TFAP2D: variants seen among roughly 807,000 people sequenced by gnomAD.
TFAP2D encodes transcription factor AP-2 delta, also known as transcription factor AP-2-delta.
In TFAP2D, 9 loss-of-function variants were observed where a neutral mutation model predicts 43.6. The observed-to-expected ratio is 0.21, with a 90% CI of 0.12 to 0.36. The LOEUF is 0.36. Ranked by LOEUF, TFAP2D falls within the 10% of genes least tolerant of loss-of-function variation. TFAP2D has a pLI of 1.00. For missense variants in TFAP2D, 513 were observed against 561.4 expected (o/e 0.91, Z 0.87); for synonymous variants, 256 against 224.9 (o/e 1.14, Z -1.24).
chr6:50,721,931 T>G (rs1284884909), intron 3 of TFAP2D, among the ~76,000 whole-genome samples: 4 of 152,214 alleles, frequency 2.6e-5, no homozygotes, highest in African/African-American at 9.7e-5. Context: ...GTACTTTACA[T>G]GAGTTAATCA....
In TFAP2D at chr6:50,719,102, G is replaced by A. The variant is rs1352105221; in HGVS notation, c.550G>A (p.Ala184Thr). 1.2e-6 allele frequency: 2 copies of A among 1,613,914 alleles called. No homozygotes were observed. The highest frequency in any genetic ancestry group is 2.2e-5 in the South Asian group (2 of 91,056). The change falls in exon 3 of 8, where the codon GCC becomes ACC. Residue 184 changes from alanine (A) to threonine (T), a missense_variant. Ala to Thr is a moderately conservative substitution (Grantham distance 58). Around this residue, in one of 3 missense-constraint regions of TFAP2D, gnomAD observed 311 missense variants for 316.2 expected, o/e 0.98. Coordinates refer to ENST00000008391, the MANE Select transcript of TFAP2D (RefSeq NM_172238.4). Reference protein sequence around the residue: ...GADDLQGSVEAQCGLVLNGQG... With the variant: ...GADDLQGSVETQCGLVLNGQG... ...TTCTTTTATTAAGGGCTCTGTGGAG[G>A]CCCAGTGTGGGCTTGTTCTCAATGG...
chr6:50,729,480 A>C (rs1768853341), intron 5 of TFAP2D, among the ~76,000 whole-genome samples, 168 bp downstream of exon 5: 2 of 152,224 alleles, frequency 1.3e-5, no homozygotes, highest in African/African-American at 4.8e-5. Flanking sequence ...AATTAGACTT[A>C]AGATTTAGAT....
chr6:50,766,679 T>TTTTTTTTTTTTTTTTTTTTTA (rs1253454386), intron 7 of TFAP2D, among the ~76,000 whole-genome samples: 1 of 130,048 alleles, frequency 7.7e-6, no homozygotes, highest in Non-Finnish European at 1.6e-5. Flanking sequence ...TTTTTTTTTT[T>TTTTTTTTTTTTTTTTTTTTTA]GAGACGGAGT....
At chr6:50,720,380 G>A (rs1462302436) in intron 3 of TFAP2D, among the ~76,000 whole-genome samples, 1 of 150,726 alleles carries the variant, frequency 6.6e-6, no homozygotes, top group African/African-American at 2.4e-5. Context: ...GAAAACAAAG[G>A]GTGCTTTCCT....
chr6:50,764,981 T>A (rs754912406), intron 7 of TFAP2D, among the ~76,000 whole-genome samples: 1 of 152,166 alleles, frequency 6.6e-6, no homozygotes, highest in South Asian at 2.1e-4. Context: ...TTTTCAAATA[T>A]ATAATGCATT....
intron 7 of TFAP2D, among the ~76,000 whole-genome samples, chr6:50,767,621 A>C (rs1174804636): frequency 6.6e-6 from 1 of 152,200 alleles, no homozygotes; most frequent in African/African-American, 2.4e-5. Flanking sequence ...GGCATGAGGA[A>C]ACTAATCCCT....
intron 2 of TFAP2D, 50 bp from the exon 3 acceptor site, chr6:50,719,040 T>G (rs373851241): frequency 6.4e-7 from 1 of 1,568,968 alleles, no homozygotes; most frequent in South Asian, 1.1e-5. Flanking sequence ...TACGTGGTCA[T>G]GCATATGAGT....
intron 7 of TFAP2D, among the ~76,000 whole-genome samples, chr6:50,763,977 T>C (rs991294553): frequency 6.6e-6 from 1 of 152,162 alleles, no homozygotes; most frequent in African/African-American, 2.4e-5. Context: ...TATTACTATA[T>C]GCAAATTCAA....
intron 3 of TFAP2D, among the ~76,000 whole-genome samples, chr6:50,720,844 C>A (rs1714777850): frequency 6.6e-6 from 1 of 152,194 alleles, no homozygotes; most frequent in African/African-American, 2.4e-5. Flanking sequence ...GCTTCTCCCA[C>A]AGCCGGCCTC....
At chr6:50,736,432 T>A (rs1283089758) in intron 5 of TFAP2D, among the ~76,000 whole-genome samples, 1 of 152,178 alleles carries the variant, frequency 6.6e-6, no homozygotes, top group Non-Finnish European at 1.5e-5. Context: ...TAGGAGACTC[T>A]GCTTCAGTAA....
At chr6:50,719,490 A>AAAGAAAGG (rs1554151953) in intron 3 of TFAP2D, among the ~76,000 whole-genome samples, 1 of 139,344 alleles carries the variant, frequency 7.2e-6, no homozygotes, top group South Asian at 2.3e-4. Context: ...AGAAAGAAAG[A>AAAGAAAGG]AAGAAAGAAA....
chr6:50,769,059 T>A (rs1769485626), intron 7 of TFAP2D, among the ~76,000 whole-genome samples: 1 of 137,228 alleles, frequency 7.3e-6, no homozygotes, highest in East Asian at 2.0e-4. Context: ...ACCCGGCTAA[T>A]TTTTTTTTTG....
At chr6:50,727,131 G>C (rs796089069) in intron 3 of TFAP2D, among the ~76,000 whole-genome samples, 28 of 152,138 alleles carry the variant, frequency 1.8e-4, no homozygotes, top group African/African-American at 6.8e-4. Flanking sequence ...TACTCTTCTG[G>C]TTTTTGTTGG....
intron 7 of TFAP2D, among the ~76,000 whole-genome samples, chr6:50,768,740 C>G (rs1211789201): frequency 2.6e-5 from 4 of 152,010 alleles, no homozygotes; most frequent in Admixed American, 2.6e-4. Context: ...GTGTGCTATG[C>G]ATATTTTTAA....
intron 7 of TFAP2D, among the ~76,000 whole-genome samples, chr6:50,756,850 G>A (rs1769271909): frequency 6.6e-6 from 1 of 151,936 alleles, no homozygotes; most frequent in African/African-American, 2.4e-5. Flanking sequence ...GGGTTTCACG[G>A]TCAGAGTAGC....
At position 50,751,316 on chromosome 6, in the gene TFAP2D, A is replaced by T; in HGVS notation, c.1131A>T (p.Thr377=). Reference sequence around the variant, plus strand: ...ACCTTGACATCCAGAGACATTTAACACATTTCAGGTAAGACTGGTTTTCCA... The same window carrying T: ...ACCTTGACATCCAGAGACATTTAACTCATTTCAGGTAAGACTGGTTTTCCA... The part of the protein sequence containing the change: ...ILDLDIQRHL[T]HFSLITHGFG... The change falls in exon 7 of 8, where the codon ACA becomes ACT. Residue 377 remains threonine (T), a synonymous_variant. Transcript: ENST00000008391. 1 of 1,608,524 alleles carries T rather than the reference A, an allele frequency of 6.2e-7. No homozygotes were observed. The highest frequency in any genetic ancestry group is 8.5e-7 in the Non-Finnish European group (1 of 1,175,670).
chr6:50,738,715 C>A (rs771516821), intron 5 of TFAP2D, among the ~76,000 whole-genome samples: 2 of 152,170 alleles, frequency 1.3e-5, no homozygotes, highest in African/African-American at 4.8e-5. Context: ...ATATGCTTTT[C>A]CAATAGGCTG....
intron 2 of TFAP2D, among the ~76,000 whole-genome samples, chr6:50,716,397 A>G (rs933141855): frequency 7.2e-5 from 11 of 152,070 alleles, no homozygotes; most frequent in Admixed American, 3.9e-4. Flanking sequence ...TTAAAAAGAT[A>G]AAAATGAGGC....
chr6:50,750,396 A>T (rs1667445463), intron 6 of TFAP2D, among the ~76,000 whole-genome samples: 1 of 151,986 alleles, frequency 6.6e-6, no homozygotes, highest in South Asian at 2.1e-4. Context: ...ATTCTTTGGC[A>T]ATCCTTTACT....
Sources: gnomAD v4.1 joint callset for allele counts (sites outside exome capture counted in the v4.1 genomes callset) on GRCh38, gnomAD v4.1.1 for gene constraint, gnomAD v4.1.1 regional missense constraint, MANE v1.5 for transcripts, NCBI Gene and HGNC (gene_info 2026-07-23, HGNC 2026-07-21) for gene names.